Variants in HSPBAP1 observed in about 807,000 individuals in gnomAD.
The protein encoded by HSPBAP1 is HSPB1 associated protein 1.
Under a neutral mutation model 45.2 loss-of-function variants are expected in HSPBAP1, and 27 were observed. That is an observed-to-expected ratio of 0.60 (90% CI 0.44 to 0.82). The LOEUF (loss-of-function observed/expected upper bound fraction) is 0.82. HSPBAP1 is among the 40% of genes least tolerant of loss of function. The probability of loss-of-function intolerance (pLI) is 0.00; values close to 1 mark genes in which losing one functional copy is unlikely to be tolerated. For synonymous variants in HSPBAP1, 204 were observed against 202.7 expected (o/e 1.01, Z -0.06); for missense variants, 510 against 590.9 (o/e 0.86, Z 1.42).
At chr3:122,787,927 G>A (rs952945116) in intron 1 of HSPBAP1, among the ~76,000 whole-genome samples, 1 of 152,064 alleles carries the variant, frequency 6.6e-6, no homozygotes, top group Non-Finnish European at 1.5e-5. Context: ...TCTCCTGAAA[G>A]GTAACATAAT....
intron 1 of HSPBAP1, among the ~76,000 whole-genome samples, chr3:122,785,571 G>A (rs1190514730): frequency 6.6e-6 from 1 of 152,140 alleles, no homozygotes; most frequent in Non-Finnish European, 1.5e-5. Context: ...CTCCTTGGCT[G>A]TAAATTCTCA....
intron 1 of HSPBAP1, among the ~76,000 whole-genome samples, chr3:122,781,401 G>A (rs1017429015): frequency 1.3e-5 from 2 of 152,106 alleles, no homozygotes; most frequent in South Asian, 2.1e-4. Context: ...AAAAAAATAC[G>A]AAAACCAGTC....
chr3:122,784,793 T>C (rs2107541187), intron 1 of HSPBAP1, among the ~76,000 whole-genome samples: 1 of 152,328 alleles, frequency 6.6e-6, no homozygotes, highest in Non-Finnish European at 1.5e-5. Flanking sequence ...TCAGGAGCAA[T>C]AGCTCATTCT....
chr3:122,779,423 T>C (rs549771430), intron 1 of HSPBAP1, among the ~76,000 whole-genome samples: 2 of 152,040 alleles, frequency 1.3e-5, no homozygotes, highest in East Asian at 3.9e-4. Context: ...TTTGACTCCA[T>C]TTCTCTCAAT....
chr3:122,766,024 A>G (rs1430054489), intron 3 of HSPBAP1, among the ~76,000 whole-genome samples: 2 of 152,210 alleles, frequency 1.3e-5, no homozygotes, highest in Admixed American at 6.5e-5. Flanking sequence ...TTCTTCATAT[A>G]CTTTAAACAA....
At chr3:122,751,164 T>C (rs546557415) in intron 6 of HSPBAP1, among the ~76,000 whole-genome samples, 23 of 152,338 alleles carry the variant, frequency 1.5e-4, no homozygotes, top group African/African-American at 5.3e-4. Context: ...CCTACTGATA[T>C]TCAGTTTTAG....
chr3:122,760,457 G>A (rs1934535714), intron 3 of HSPBAP1, among the ~76,000 whole-genome samples: 1 of 151,850 alleles, frequency 6.6e-6, no homozygotes, highest in Admixed American at 6.6e-5. Flanking sequence ...TCTATTTTTA[G>A]AGGGAAAACA....
chr3:122,789,012 T>TA (rs1213746803), intron 1 of HSPBAP1, among the ~76,000 whole-genome samples: 1 of 152,234 alleles, frequency 6.6e-6, no homozygotes, highest in East Asian at 1.9e-4. Context: ...TCAGTGAAAT[T>TA]AAAAATTTTA....
intron 3 of HSPBAP1, among the ~76,000 whole-genome samples, chr3:122,761,070 G>A (rs904256342): frequency 1.3e-5 from 2 of 152,162 alleles, no homozygotes; most frequent in African/African-American, 4.8e-5. Flanking sequence ...CCCAGCCAGG[G>A]AGCTTAGGGG....
intron 5 of HSPBAP1, chr3:122,753,035 G>A (rs1350169202): frequency 1.0e-6 from 1 of 969,610 alleles, no homozygotes; most frequent in African/African-American, 1.8e-5. Context: ...AAAACACATA[G>A]GACGTGGCTT....
chr3:122,743,298 G>A (rs1048637219), intron 6 of HSPBAP1, among the ~76,000 whole-genome samples: 3 of 152,052 alleles, frequency 2.0e-5, no homozygotes, highest in Non-Finnish European at 2.9e-5. Context: ...GGCCAGGCAC[G>A]GTGGCTCACA....
chr3:122,767,686 C>T (rs371933264), intron 3 of HSPBAP1, among the ~76,000 whole-genome samples: 3 of 152,030 alleles, frequency 2.0e-5, no homozygotes, highest in East Asian at 1.9e-4. Flanking sequence ...CCCAGCAACT[C>T]GGGAGACTGA....
intron 1 of HSPBAP1, among the ~76,000 whole-genome samples, chr3:122,792,906 G>C (rs11708766): frequency 0.17 from 25,727 of 149,382 alleles, 3,134 homozygotes; most frequent in East Asian, 0.53. Flanking sequence ...AAAAGAAAAA[G>C]AAAGGCCGAC....
intron 1 of HSPBAP1, among the ~76,000 whole-genome samples, chr3:122,780,652 G>T (rs1197240721): frequency 2.7e-5 from 4 of 150,274 alleles, no homozygotes; most frequent in South Asian, 4.2e-4. Flanking sequence ...CAGGCGGGGG[G>T]CTGACCCCCC....
chr3:122,740,336 C>T lies in HSPBAP1; in HGVS notation c.*9G>A. 6.5e-7 allele frequency: 1 copy of T among 1,534,532 alleles called. No individual in the cohort carries two copies. Among genetic ancestry groups the T allele is most frequent in the Non-Finnish European group, 8.8e-7 (1 of 1,132,942 alleles). On this transcript the variant is annotated 3_prime_UTR_variant, in exon 8 of 8. Transcript: ENST00000306103. ...AAAATATTATTTTAAAAGTCATCTT[C>T]CACTTGAATCATAAACTTCTTCCTT... is the stretch of plus-strand genomic sequence containing the variant.
chr3:122,745,431 G>T (rs934002199), intron 6 of HSPBAP1, among the ~76,000 whole-genome samples: 1 of 152,186 alleles, frequency 6.6e-6, no homozygotes, highest in Non-Finnish European at 1.5e-5. Context: ...CTTATCTGCA[G>T]TTTCGCTTTC....
chr3:122,742,555 T>G (rs1295804808), intron 6 of HSPBAP1, among the ~76,000 whole-genome samples: 1 of 152,200 alleles, frequency 6.6e-6, no homozygotes, highest in Non-Finnish European at 1.5e-5. Flanking sequence ...TGAGTCAAGG[T>G]GGCTAGACAA....
chr3:122,755,693 G>A (rs7431638), intron 4 of HSPBAP1, among the ~76,000 whole-genome samples: 82,279 of 150,538 alleles, frequency 0.55, 23,503 homozygotes, highest in Non-Finnish European at 0.65. Flanking sequence ...TTACATTGCT[G>A]GGATAGAATC....
chr3:122,749,400 T>C (rs1359803567), intron 6 of HSPBAP1, among the ~76,000 whole-genome samples: 1 of 152,026 alleles, frequency 6.6e-6, no homozygotes, highest in African/African-American at 2.4e-5. Context: ...CTGAAACAAA[T>C]GAACTTAACT....
Sources: gnomAD v4.1 joint callset for allele counts (sites outside exome capture counted in the v4.1 genomes callset) on GRCh38, gnomAD v4.1.1 for gene constraint, MANE v1.5 for transcripts, NCBI Gene and HGNC (gene_info 2026-07-23, HGNC 2026-07-21) for gene names.